RBMS3: variants seen among roughly 807,000 people sequenced by gnomAD.
The protein encoded by RBMS3 is RNA-binding motif, single-stranded-interacting protein 3.
RBMS3 carries 27 observed loss-of-function variants against 66.8 expected under a neutral mutation model. The ratio of observed to expected loss-of-function variants is 0.40; its 90% CI spans 0.30 to 0.56. The LOEUF is 0.56. RBMS3 is among the 20% of genes least tolerant of loss of function. RBMS3 has a pLI of 0.40. For synonymous variants in RBMS3, 188 were observed against 183.0 expected (o/e 1.03, Z -0.22); for missense variants, 513 against 549.5 (o/e 0.93, Z 0.66).
At chr3:29,450,942 A>C (rs1192044178) in intron 2 of RBMS3, among the ~76,000 whole-genome samples, 2 of 151,664 alleles carry the variant, frequency 1.3e-5, no homozygotes, top group African/African-American at 2.4e-5. Flanking sequence ...CCCCCCACAC[A>C]CACACATGGT....
intron 10 of RBMS3, 139 bp downstream of exon 10, chr3:29,899,894 G>C (rs991200467): frequency 2.7e-6 from 2 of 754,316 alleles, no homozygotes; most frequent in African/African-American, 3.6e-5. Flanking sequence ...ATAAAAAGCT[G>C]TTCCTGAAAT....
At chr3:29,472,415 T>G (rs567652241) in intron 2 of RBMS3, among the ~76,000 whole-genome samples, 3 of 152,232 alleles carry the variant, frequency 2.0e-5, no homozygotes, top group Admixed American at 2.0e-4. Flanking sequence ...AGACTGGTCT[T>G]GAACTCCTGA....
At chr3:29,482,264 A>G (rs1377160842) in intron 2 of RBMS3, among the ~76,000 whole-genome samples, 3 of 152,232 alleles carry the variant, frequency 2.0e-5, no homozygotes, top group Non-Finnish European at 2.9e-5. Context: ...TAACCCAACT[A>G]TATAACCTAA....
intron 1 of RBMS3, among the ~76,000 whole-genome samples, chr3:29,390,202 A>C (rs2039224684): frequency 6.6e-6 from 1 of 152,214 alleles, no homozygotes; most frequent in Admixed American, 6.5e-5. Context: ...TGAAAATTGA[A>C]GATTGTAGGA....
At chr3:29,864,859 G>C (rs777894512) in intron 6 of RBMS3, among the ~76,000 whole-genome samples, 2,341 of 146,666 alleles carry the variant, frequency 0.016, 34 homozygotes, top group Non-Finnish European at 0.027. Context: ...AAAGGGAAGG[G>C]GAAGGGGAAG....
intron 4 of RBMS3, among the ~76,000 whole-genome samples, chr3:29,689,917 CAAAAAAAAAAAAAAAAA>C (rs66580293): frequency 0.057 from 1,579 of 27,700 alleles, 27 homozygotes; most frequent in African/African-American, 0.11. Context: ...CTATCTCTAC[CAAAAAAAAAAAAAAAAA>C]AAAAAAAAAA....
At chr3:29,852,693 A>C (rs1191248470) in intron 6 of RBMS3, among the ~76,000 whole-genome samples, 1 of 152,224 alleles carries the variant, frequency 6.6e-6, no homozygotes, top group Admixed American at 6.5e-5. Flanking sequence ...AGAAAAGGGA[A>C]CACATAAACT....
chr3:29,480,077 T>A (rs900392247), intron 2 of RBMS3, among the ~76,000 whole-genome samples: 1 of 152,210 alleles, frequency 6.6e-6, no homozygotes, highest in Non-Finnish European at 1.5e-5. Flanking sequence ...AGGAGAAATA[T>A]CTAATAACTC....
At chr3:29,708,773 A>G (rs1411738640) in intron 4 of RBMS3, among the ~76,000 whole-genome samples, 2 of 152,188 alleles carry the variant, frequency 1.3e-5, no homozygotes, top group Non-Finnish European at 2.9e-5. Flanking sequence ...AAGACTATCT[A>G]ACTTTGGCAG....
At chr3:29,736,340 T>C (rs1414964815) in intron 4 of RBMS3, among the ~76,000 whole-genome samples, 1 of 152,214 alleles carries the variant, frequency 6.6e-6, no homozygotes, top group East Asian at 1.9e-4. Flanking sequence ...GAATTTGGAT[T>C]CAGAAAATAG....
intron 14 of RBMS3, among the ~76,000 whole-genome samples, chr3:29,999,461 C>T (rs1292707238): frequency 6.6e-6 from 1 of 152,162 alleles, no homozygotes; most frequent in East Asian, 1.9e-4. Context: ...GGCACATGCA[C>T]ATGTATGTTT....
chr3:29,407,990 T>G (rs1317194692), intron 1 of RBMS3, among the ~76,000 whole-genome samples: 1 of 152,088 alleles, frequency 6.6e-6, no homozygotes, highest in African/African-American at 2.4e-5. Flanking sequence ...TTAGGAAAAT[T>G]GGCTGGGCAC....
At chr3:29,390,864 T>C (rs1056128771) in intron 1 of RBMS3, 1 of 161,514 alleles carries the variant, frequency 6.2e-6, no homozygotes, top group Non-Finnish European at 1.4e-5. Context: ...AAGGAAGGCA[T>C]TGCTGCTGGA....
rs971542412 is a variant in RBMS3, at chr3:30,005,094, T to G, written c.*1232T>G. 2.9e-5 allele frequency: 4 copies of G among 139,344 alleles called. No homozygotes were observed. Among genetic ancestry groups the G allele is most frequent in the Admixed American group, 1.5e-4 (2 of 13,156 alleles). The allele number at this position is 139,344 out of a possible 1,614,324, so 8.6% of individuals were successfully genotyped here. ...AGAAGATAGAGGTTGTTTTCGTTTC[T>G]TTTCTTTTTAAAAAAAAAAAAATTT... On this transcript the variant is annotated 3_prime_UTR_variant, in exon 15 of 15. Coordinates refer to ENST00000383767, the MANE Select transcript of RBMS3 (RefSeq NM_001003793.3).
chr3:29,649,700 G>T (rs2050073279), intron 4 of RBMS3, among the ~76,000 whole-genome samples: 1 of 152,128 alleles, frequency 6.6e-6, no homozygotes, highest in African/African-American at 2.4e-5. Flanking sequence ...ATGACACATT[G>T]TCATTCATGA....
intron 11 of RBMS3, among the ~76,000 whole-genome samples, chr3:29,942,497 T>C (rs2061414829): frequency 6.6e-6 from 1 of 151,720 alleles, no homozygotes; most frequent in Non-Finnish European, 1.5e-5. Context: ...CACTTCAGCC[T>C]GAATGATGGA....
intron 3 of RBMS3, among the ~76,000 whole-genome samples, chr3:29,557,017 A>C (rs893400287): frequency 6.6e-6 from 1 of 152,090 alleles, no homozygotes; most frequent in African/African-American, 2.4e-5. Flanking sequence ...CCCTTGCTTG[A>C]CTGCTTCTCT....
intron 1 of RBMS3, among the ~76,000 whole-genome samples, chr3:29,427,516 G>A (rs1396858677): frequency 6.6e-6 from 1 of 152,186 alleles, no homozygotes; most frequent in African/African-American, 2.4e-5. Context: ...CACTATCAAG[G>A]AGATGAATCC....
In RBMS3 at chr3:29,430,554, C is replaced by A. The variant is rs149010114; in HGVS notation, c.76-4189C>A. 2.5e-3 allele frequency among the ~76,000 whole-genome samples: 383 copies of A among 152,162 alleles called. 1 individual carries two copies. The highest frequency in any genetic ancestry group is 4.2e-3 in the Non-Finnish European group (283 of 68,004). ...AATTTGTTGGGCCTTTTGGAGGACA[C>A]GTTTATTGCTTTAGGCATCATGCAA... On this transcript the variant is annotated intron_variant, in intron 1 of 14. Coordinates refer to ENST00000383767, the MANE Select transcript of RBMS3 (RefSeq NM_001003793.3).
Sources: allele counts gnomAD v4.1 joint callset (sites outside exome capture counted in the v4.1 genomes callset), GRCh38; gene constraint gnomAD v4.1.1; transcripts MANE v1.5; gene names NCBI Gene and HGNC (gene_info 2026-07-23, HGNC 2026-07-21).